The following PROCR variants were observed in gnomAD, a reference collection of about 807,000 sequenced individuals.
PROCR encodes endothelial protein C receptor.
In PROCR, 22 loss-of-function variants were observed where a neutral mutation model predicts 24.2. That is an observed-to-expected ratio of 0.91 (90% CI 0.65 to 1.30). The LOEUF (loss-of-function observed/expected upper bound fraction) is 1.30. Among genes scored for constraint, PROCR ranks in the 50% most tolerant of loss-of-function variants. PROCR has a pLI of 0.00. For missense variants in PROCR, 288 were observed against 307.7 expected (o/e 0.94, Z 0.48); for synonymous variants, 137 against 139.2 (o/e 0.98, Z 0.11).
intron 1 of PROCR, among the ~76,000 whole-genome samples, chr20:35,188,043 A>G (rs1014225476): frequency 1.3e-5 from 2 of 152,240 alleles, no homozygotes; most frequent in African/African-American, 4.8e-5. Context: ...ATATTCTAAA[A>G]GTATCCTTCT....
At chr20:35,172,013 A>G, upstream of PROCR, 1 of 758,584 alleles carries the variant, frequency 1.3e-6, no homozygotes, top group Non-Finnish European at 2.4e-6. Context: ...TCCTCCTCCC[A>G]TCTCCTGGCC....
At chr20:35,215,223 T>C (rs1018818600) in intron 1 of PROCR, among the ~76,000 whole-genome samples, 2 of 152,232 alleles carry the variant, frequency 1.3e-5, no homozygotes, top group African/African-American at 4.8e-5. Flanking sequence ...TTACCCTCCA[T>C]TTTCTGCCAA....
intron 1 of PROCR, among the ~76,000 whole-genome samples, chr20:35,213,008 C>T (rs904398940): frequency 1.3e-5 from 2 of 152,158 alleles, no homozygotes; most frequent in Admixed American, 1.3e-4. Flanking sequence ...TAATTACAAA[C>T]ATGGTTGGTC....
intron 1 of PROCR, among the ~76,000 whole-genome samples, chr20:35,186,628 A>G (rs1252696707): frequency 6.6e-6 from 1 of 151,714 alleles, no homozygotes; most frequent in Admixed American, 6.6e-5. Flanking sequence ...CAGGTATTAT[A>G]TGATTCAACA....
intron 1 of PROCR, 195 bp from the exon 2 acceptor site, chr20:35,174,507 G>C (rs1026249327): frequency 1.4e-6 from 1 of 695,820 alleles, no homozygotes; most frequent in Non-Finnish European, 2.5e-6. Flanking sequence ...CTGTAAAACG[G>C]AGATAATAAT....
At chr20:35,207,901 A>G (rs1054313859) in intron 1 of PROCR, among the ~76,000 whole-genome samples, 2 of 134,060 alleles carry the variant, frequency 1.5e-5, no homozygotes, top group Non-Finnish European at 3.1e-5. Context: ...CTTTATTATT[A>G]TTTGAAACAT....
At chr20:35,174,642 C>T in intron 1 of PROCR, 60 bp from the exon 2 acceptor site, 2 of 1,608,152 alleles carry the variant, frequency 1.2e-6, no homozygotes, top group South Asian at 1.1e-5. Context: ...GGGTTATTAT[C>T]TTCCGCTGCC....
At chr20:35,193,324 T>C (rs2086189980) in intron 1 of PROCR, among the ~76,000 whole-genome samples, 1 of 152,150 alleles carries the variant, frequency 6.6e-6, no homozygotes, top group African/African-American at 2.4e-5. Context: ...TACAGGCGCA[T>C]GCCACCACGC....
intron 1 of PROCR, among the ~76,000 whole-genome samples, chr20:35,173,423 C>CTTTTTTTTTTTTTTTTTTTT (rs58785250): frequency 2.3e-5 from 2 of 88,154 alleles, no homozygotes; most frequent in Non-Finnish European, 4.6e-5. Flanking sequence ...TTTCTTTTTT[C>CTTTTTTTTTTTTTTTTTTTT]TTTTTTTTTT....
Position 35,176,389 on chromosome 20 carries a change from C to G in PROCR, c.544C>G (p.Leu182Val), listed in dbSNP as rs1219803790. The G allele has an allele frequency of 6.2e-7, 1 of 1,614,112 alleles. No individual in the cohort carries two copies. Among genetic ancestry groups the G allele is most frequent in the Non-Finnish European group, 8.5e-7 (1 of 1,180,054 alleles). The change falls in exon 3 of 4, where the codon CTG becomes GTG. Residue 182 changes from leucine to valine, a missense_variant. By Grantham distance (32) the Leu-to-Val change is conservative. Coordinates refer to ENST00000216968, the MANE Select transcript of PROCR (RefSeq NM_006404.5). The stretch of plus-strand genomic sequence containing the variant: ...CACTCGGTATGAACTGCGGGAATTC[C>G]TGGAGGACACCTGTGTGCAGTATGT... ...NRTRYELREF[L>V]EDTCVQYVQK...
At chr20:35,174,247 G>A (rs2069947) in intron 1 of PROCR, 14,902 of 211,276 alleles carry the variant, frequency 0.071, 2,341 homozygotes, top group African/African-American at 0.32. Flanking sequence ...GGGTCAGGTG[G>A]AGGTCGGAAT....
intron 1 of PROCR, among the ~76,000 whole-genome samples, chr20:35,192,197 G>A (rs2086178939): frequency 6.6e-6 from 1 of 152,188 alleles, no homozygotes; most frequent in Admixed American, 6.5e-5. Context: ...TACTAAAGTT[G>A]AACATCTGCC....
chr20:35,184,568 C>T (rs1162552080), intron 1 of PROCR, among the ~76,000 whole-genome samples: 8 of 152,060 alleles, frequency 5.3e-5, no homozygotes, highest in Non-Finnish European at 1.0e-4. Context: ...GGCGTGGTGG[C>T]GGGCGCCTGT....
intron 1 of PROCR, among the ~76,000 whole-genome samples, chr20:35,183,863 A>G (rs537613062): frequency 1.4e-4 from 21 of 152,218 alleles, no homozygotes; most frequent in Admixed American, 2.6e-4. Context: ...AAGATGCCCA[A>G]CATCGTTATA....
chr20:35,214,638 G>A (rs978156907), intron 1 of PROCR, among the ~76,000 whole-genome samples: 117 of 148,544 alleles, frequency 7.9e-4, no homozygotes, highest in African/African-American at 2.6e-3. Flanking sequence ...GCAGTGAGCC[G>A]AGATCGCGCC....
chr20:35,186,166 G>T (rs931367324), intron 1 of PROCR, among the ~76,000 whole-genome samples: 2 of 152,124 alleles, frequency 1.3e-5, no homozygotes, highest in African/African-American at 4.8e-5. Context: ...TAATCCAAAT[G>T]TCTGTTAATT....
chr20:35,173,677 G>A (rs185065768), intron 1 of PROCR, among the ~76,000 whole-genome samples: 3 of 151,960 alleles, frequency 2.0e-5, no homozygotes, highest in East Asian at 1.9e-4. Context: ...TGATCCGCCC[G>A]CCTCGGCCTC....
At chr20:35,184,922 G>A (rs2146156308) in intron 1 of PROCR, among the ~76,000 whole-genome samples, 1 of 151,270 alleles carries the variant, frequency 6.6e-6, no homozygotes, top group East Asian at 2.0e-4. Context: ...GGAACAGTCA[G>A]CAGAGTAAAC....
chr20:35,188,018 A>C (rs1390427017), intron 1 of PROCR, among the ~76,000 whole-genome samples: 1 of 152,232 alleles, frequency 6.6e-6, no homozygotes. Flanking sequence ...AAAGGTAAAC[A>C]AATGACTCCC....
Sources: allele counts gnomAD v4.1 joint callset (sites outside exome capture counted in the v4.1 genomes callset), GRCh38; gene constraint gnomAD v4.1.1; transcripts MANE v1.5; gene names NCBI Gene and HGNC (gene_info 2026-07-23, HGNC 2026-07-21).